SHQ1: variants seen among roughly 807,000 people sequenced by gnomAD.
SHQ1 encodes the protein SHQ1, H/ACA ribonucleoprotein assembly factor.
SHQ1 carries 49 observed loss-of-function variants against 53.8 expected under a neutral mutation model. The ratio of observed to expected loss-of-function variants is 0.91; its 90% confidence interval spans 0.72 to 1.16. The LOEUF (loss-of-function observed/expected upper bound fraction) is 1.16. SHQ1 is among the 50% of genes most tolerant of loss of function. The probability of loss-of-function intolerance (pLI) is 0.00; values close to 1 mark genes in which losing one functional copy is unlikely to be tolerated. For missense variants in SHQ1, 738 were observed against 683.1 expected (o/e 1.08, Z -0.90); for synonymous variants, 243 against 251.0 (o/e 0.97, Z 0.30).
chr3:72,741,827 A>G, the SHQ1 span, among the ~76,000 whole-genome samples: 1 of 152,188 alleles, frequency 6.6e-6, no homozygotes, highest in African/African-American at 2.4e-5. Context: ...AATACAATAA[A>G]AAATGCATAT....
At chr3:72,833,534 C>CAGATAGAT (rs113103994) in intron 4 of SHQ1, among the ~76,000 whole-genome samples, 8,741 of 149,594 alleles carry the variant, frequency 0.058, 303 homozygotes, top group Admixed American at 0.09. Flanking sequence ...GGATGATAGA[C>CAGATAGAT]AGATAGATAG....
At chr3:72,792,620 T>C (rs1461424151) in intron 10 of SHQ1, among the ~76,000 whole-genome samples, 1 of 151,872 alleles carries the variant, frequency 6.6e-6, no homozygotes, top group Non-Finnish European at 1.5e-5. Context: ...ACCCCGTCTC[T>C]ACTAAAAATA....
chr3:72,751,508 G>GTGTGTGTGTATA (rs1210782182), intron 10 of SHQ1, among the ~76,000 whole-genome samples: 3 of 116,984 alleles, frequency 2.6e-5, no homozygotes, highest in African/African-American at 1.3e-4. Flanking sequence ...GTGTGTGTGT[G>GTGTGTGTGTATA]TATATATATA....
intron 10 of SHQ1, among the ~76,000 whole-genome samples, chr3:72,779,272 G>A (rs9873495): frequency 0.02 from 3,056 of 152,090 alleles, 105 homozygotes; most frequent in African/African-American, 0.071. Flanking sequence ...CCCTCCTCCT[G>A]CCACAGAGCC....
At chr3:72,733,537 G>A in the SHQ1 span, among the ~76,000 whole-genome samples, 4 of 151,588 alleles carry the variant, frequency 2.6e-5, no homozygotes, top group South Asian at 2.1e-4. Flanking sequence ...ATAAGGGCTC[G>A]AGCTCCAGCC....
the SHQ1 span, among the ~76,000 whole-genome samples, chr3:72,725,316 G>A: frequency 6.6e-6 from 1 of 152,102 alleles, no homozygotes; most frequent in East Asian, 1.9e-4. Context: ...ACTGGCCTCT[G>A]CACTCTCTTC....
At chr3:72,828,701 AAGAG>A (rs1707739039) in intron 5 of SHQ1, among the ~76,000 whole-genome samples, 1 of 152,148 alleles carries the variant, frequency 6.6e-6, no homozygotes, top group South Asian at 2.1e-4. Flanking sequence ...TCTCAAAAAA[AAGAG>A]AGAGAAAAGC....
At chr3:72,770,975 CT>C (rs763862056) in intron 10 of SHQ1, among the ~76,000 whole-genome samples, 1 of 152,184 alleles carries the variant, frequency 6.6e-6, no homozygotes, top group Non-Finnish European at 1.5e-5. Flanking sequence ...TAACAATCTC[CT>C]GTAGTCTCTT....
At chr3:72,740,801 C>G in the SHQ1 span, among the ~76,000 whole-genome samples, 1 of 152,302 alleles carries the variant, frequency 6.6e-6, no homozygotes, top group South Asian at 2.1e-4. Flanking sequence ...CACTCCCTTT[C>G]CTATGACCAG....
intron 10 of SHQ1, among the ~76,000 whole-genome samples, chr3:72,781,073 T>G (rs1017862881): frequency 2.7e-5 from 4 of 150,940 alleles, no homozygotes; most frequent in Non-Finnish European, 5.9e-5. Flanking sequence ...TTCTTTTTTT[T>G]TTTTTTGAGA....
chr3:72,732,372 GCCTGCCTGCCTGCCTGCCTTCCTT>G, the SHQ1 span, among the ~76,000 whole-genome samples: 2 of 118,482 alleles, frequency 1.7e-5, no homozygotes, highest in African/African-American at 7.3e-5. Flanking sequence ...CTGCCTGCCT[GCCTGCCTGCCTGCCTGCCTTCCTT>G]CCTTCCTTCC....
At chr3:72,800,267 G>A (rs968407422) in intron 9 of SHQ1, among the ~76,000 whole-genome samples, 2 of 152,184 alleles carry the variant, frequency 1.3e-5, no homozygotes, top group Admixed American at 6.5e-5. Context: ...AATAATTTAT[G>A]TTCTTTATAA....
rs374883309 is a variant in SHQ1, at chr3:72,764,286, G to A, written c.1182-13450C>T. Among the ~76,000 whole-genome samples, 9 of 152,166 alleles carry A rather than the reference G, an allele frequency of 5.9e-5. No homozygotes were observed. In the East Asian group the frequency reaches 1.4e-3, roughly 23 times the overall value. On this transcript the variant is annotated intron_variant, in intron 10 of 10. Coordinates refer to ENST00000325599, the MANE Select transcript of SHQ1 (RefSeq NM_018130.3). The stretch of plus-strand genomic sequence containing the variant: ...CAGCCTAGAACTCCTAGGCTCAAGC[G>A]ATCCTCCCGCCTTGGCCTTCCAGAG...
At chr3:72,797,215 G>C (rs1033840354) in intron 9 of SHQ1, among the ~76,000 whole-genome samples, 1 of 152,036 alleles carries the variant, frequency 6.6e-6, no homozygotes. Flanking sequence ...CTAAGATCAC[G>C]CCATTGCACT....
Position 72,832,484 on chromosome 3 carries a change from G to A in SHQ1, c.487-3C>T, listed in dbSNP as rs1377775336. On this transcript the variant is annotated splice_polypyrimidine_tract_variant and splice_region_variant and intron_variant, in intron 4 of 10. Transcript: ENST00000325599. ...TCAATAACATCACTCAGTTCATCCT[G>A]AGGACACCCAGAAAAGAAAGAATAA... 1.3e-6 allele frequency: 2 copies of A among 1,575,408 alleles called. No homozygotes were observed. Among genetic ancestry groups the A allele is most frequent in the Non-Finnish European group, 1.7e-6 (2 of 1,159,790 alleles).
At chr3:72,820,066 T>C (rs183359908) in intron 6 of SHQ1, among the ~76,000 whole-genome samples, 54 of 152,344 alleles carry the variant, frequency 3.5e-4, no homozygotes, top group Admixed American at 4.6e-4. Context: ...AGTTGACTAA[T>C]AGACCCCTGC....
At chr3:72,820,674 T>C (rs1466637165) in intron 6 of SHQ1, among the ~76,000 whole-genome samples, 2 of 152,212 alleles carry the variant, frequency 1.3e-5, no homozygotes, top group Admixed American at 6.5e-5. Flanking sequence ...TGAATAACAT[T>C]TGTCAAGCAT....
chr3:72,824,538 CA>C lies in SHQ1; in HGVS notation c.612del (p.Phe204LeufsTer10), dbSNP rs1217408412. ...FDPDHYLADF[F>X]EDEAIEQILK... ...AAAATCTGTTCAATCGCCTCATCTT[CA>C]AAAAAGTCAGCTCTAGGAAAAAACA... On this transcript the variant is annotated frameshift_variant, in exon 6 of 11. Transcript: ENST00000325599. LOFTEE classifies it high-confidence loss of function. 2.5e-6 allele frequency: 4 copies of C among 1,607,256 alleles called. No homozygotes were observed. The East Asian group carries it at 9.0e-5, about 36-fold the overall frequency.
intron 6 of SHQ1, among the ~76,000 whole-genome samples, chr3:72,820,878 T>C (rs189565369): frequency 3.9e-5 from 6 of 152,246 alleles, no homozygotes; most frequent in African/African-American, 1.4e-4. Context: ...ACCCCACCAA[T>C]ATGTCTGAAG....
Sources: gnomAD v4.1 joint callset for allele counts (sites outside exome capture counted in the v4.1 genomes callset) on GRCh38, gnomAD v4.1.1 for gene constraint, MANE v1.5 for transcripts, NCBI Gene and HGNC (gene_info 2026-07-23, HGNC 2026-07-21) for gene names.